HTR5A: variants seen among roughly 807,000 people sequenced by gnomAD.
HTR5A encodes 5-hydroxytryptamine receptor 5A.
Under a neutral mutation model 24.3 loss-of-function variants are expected in HTR5A, and 21 were observed. The observed-to-expected ratio is 0.86, with a 90% CI of 0.61 to 1.24. HTR5A has a LOEUF of 1.24. Among genes scored for constraint, HTR5A ranks in the 50% most tolerant of loss-of-function variants. The pLI is 0.00. For missense variants in HTR5A, 497 were observed against 489.5 expected (o/e 1.02, Z -0.15); for synonymous variants, 260 against 213.7 (o/e 1.22, Z -1.89).
intron 1 of HTR5A, chr7:155,077,096 T>C (rs942750284): frequency 1.3e-5 from 2 of 152,230 alleles, no homozygotes; most frequent in African/African-American, 4.8e-5. Context: ...TCCATAGAGA[T>C]TCTAGAACCA....
intron 1 of HTR5A, among the ~76,000 whole-genome samples, chr7:155,081,464 G>A (rs1366722340): frequency 6.6e-6 from 1 of 152,160 alleles, no homozygotes; most frequent in Non-Finnish European, 1.5e-5. Context: ...GGGGAGATGA[G>A]GCTAAGTGTT....
chr7:155,086,519 G>A lies in HTR5A; in HGVS notation c.*2032G>A, dbSNP rs919327225. 6.6e-6 allele frequency among the ~76,000 whole-genome samples: 1 copy of A among 152,146 alleles called. No individual in the cohort carries two copies. Among genetic ancestry groups the A allele is most frequent in the Non-Finnish European group, 1.5e-5 (1 of 68,018 alleles). On this transcript the variant is annotated 3_prime_UTR_variant, in exon 2 of 2. Transcript: ENST00000287907. ...TAATATTAATTCAATCTCCAGCTGAGGGTTTTATTAATGTTTTCATAAGAT... is the reference window on the plus strand; with the variant it reads ...TAATATTAATTCAATCTCCAGCTGAAGGTTTTATTAATGTTTTCATAAGAT...
chr7:155,071,590 G>A lies in HTR5A; in HGVS notation c.691G>A (p.Val231Met), dbSNP rs114318906. 8.7e-6 allele frequency: 14 copies of A among 1,614,098 alleles called. No homozygotes were observed. Among genetic ancestry groups the A allele is most frequent in the East Asian group, 2.2e-5 (1 of 44,896 alleles). Residue 231 changes from valine to methionine, a missense_variant, in exon 1 of 2, where the codon GTG (valine) becomes ATG (methionine). Coordinates refer to ENST00000287907, the MANE Select transcript of HTR5A (RefSeq NM_024012.4). Reference sequence around the variant, plus strand: ...GATCTACAAGGCTGCCAAGTTCCGCGTGGGCTCCAGGAAGACCAATAGCGT... The same window carrying A: ...GATCTACAAGGCTGCCAAGTTCCGCATGGGCTCCAGGAAGACCAATAGCGT... ...WKIYKAAKFR[V>M]GSRKTNSVSP... is the part of the protein sequence containing the mutation.
chr7:155,081,008 C>T (rs1252219927), intron 1 of HTR5A, among the ~76,000 whole-genome samples: 1 of 152,168 alleles, frequency 6.6e-6, no homozygotes, highest in Non-Finnish European at 1.5e-5. Flanking sequence ...CCTTGATTGA[C>T]TGAAGAGGTT....
At chr7:155,071,779 G>A in intron 1 of HTR5A, 139 bp downstream of exon 1, 1 of 809,448 alleles carries the variant, frequency 1.2e-6, no homozygotes, top group Non-Finnish European at 1.9e-6. Flanking sequence ...CTGGGAGAGT[G>A]GAAGAAAGCA....
Position 155,071,119 on chromosome 7 carries a change from G to C in HTR5A, c.220G>C (p.Val74Leu). 1.9e-6 allele frequency: 3 copies of C among 1,606,072 alleles called. No homozygotes were observed. Among genetic ancestry groups the C allele is most frequent in the Non-Finnish European group, 2.5e-6 (3 of 1,179,968 alleles). Residue 74 changes from valine to leucine, a missense_variant, in exon 1 of 2, where the codon GTG (valine) becomes CTG (leucine). Val to Leu is a conservative substitution (Grantham distance 32). Transcript: ENST00000287907. Reference sequence around the variant, plus strand: ...CCTCCGTGTACGCACCTTCCACCGCGTGCCCCACAACCTGGTGGCATCCAT... The same window carrying C: ...CCTCCGTGTACGCACCTTCCACCGCCTGCCCCACAACCTGGTGGCATCCAT... ...TILRVRTFHR[V>L]PHNLVASMAV... is the part of the protein sequence containing the mutation.
Position 155,084,315 on chromosome 7 carries a change from T to A in HTR5A, c.902T>A (p.Phe301Tyr). The A allele has an allele frequency of 6.2e-7, 1 of 1,614,166 alleles. No individual in the cohort carries two copies. The highest frequency in any genetic ancestry group is 1.1e-5 in the South Asian group (1 of 91,082). Residue 301 changes from phenylalanine to tyrosine, a missense_variant, in exon 2 of 2, where the codon TTC (phenylalanine) becomes TAC (tyrosine). Transcript: ENST00000287907. ...IGVFVLCWIP[F>Y]FLTELISPLC... ...GTGTTCGTGCTCTGCTGGATCCCCT[T>A]CTTTCTCACCGAGCTCATCAGTCCC...
chr7:155,078,814 C>T (rs974518253), intron 1 of HTR5A, among the ~76,000 whole-genome samples: 1 of 144,328 alleles, frequency 6.9e-6, no homozygotes, highest in African/African-American at 2.5e-5. Context: ...AATTAGTACA[C>T]ATCTATAGTT....
intron 1 of HTR5A, among the ~76,000 whole-genome samples, chr7:155,080,638 A>G (rs1026309627): frequency 6.6e-6 from 1 of 152,256 alleles, no homozygotes; most frequent in Non-Finnish European, 1.5e-5. Flanking sequence ...AGAGGAAGCT[A>G]TGCTTGTCAG....
chr7:155,080,517 G>A (rs1044771836), intron 1 of HTR5A, among the ~76,000 whole-genome samples: 3 of 152,228 alleles, frequency 2.0e-5, no homozygotes, highest in African/African-American at 7.2e-5. Flanking sequence ...ATCCCACGGA[G>A]AGTCTTCAAA....
chr7:155,077,812 T>A (rs1282519280), intron 1 of HTR5A, among the ~76,000 whole-genome samples: 1 of 152,186 alleles, frequency 6.6e-6, no homozygotes, highest in East Asian at 1.9e-4. Flanking sequence ...TTTTAAAAAC[T>A]TGCTACAATT....
chr7:155,080,114 A>C (rs1307209937), intron 1 of HTR5A, among the ~76,000 whole-genome samples: 2 of 152,178 alleles, frequency 1.3e-5, no homozygotes, highest in African/African-American at 4.8e-5. Flanking sequence ...CAAAACAAAA[A>C]CCCATGCAAC....
At chr7:155,082,257 G>A (rs1379191523) in intron 1 of HTR5A, among the ~76,000 whole-genome samples, 1 of 152,094 alleles carries the variant, frequency 6.6e-6, no homozygotes, top group Non-Finnish European at 1.5e-5. Flanking sequence ...AATGTGACCA[G>A]CATCCACAGT....
intron 1 of HTR5A, among the ~76,000 whole-genome samples, chr7:155,081,321 A>G (rs1470067191): frequency 6.6e-6 from 1 of 152,190 alleles, no homozygotes; most frequent in Non-Finnish European, 1.5e-5. Context: ...CAGGCAAAGC[A>G]GAGTGGTTGG....
rs1164417754 is a variant in HTR5A, at chr7:155,087,244, A to G, written c.*2757A>G. 1.3e-5 allele frequency among the ~76,000 whole-genome samples: 2 copies of G among 151,764 alleles called. No individual in the cohort carries two copies. The highest frequency in any genetic ancestry group is 2.9e-5 in the Non-Finnish European group (2 of 67,944). On this transcript the variant is annotated 3_prime_UTR_variant, in exon 2 of 2. Coordinates refer to ENST00000287907, the MANE Select transcript of HTR5A (RefSeq NM_024012.4). ...ATTCTTGATAAAAAAAAAGCTTGTTATTTCTCTCTTCTTTTCATGAGGAGC... is the reference window on the plus strand; with the variant it reads ...ATTCTTGATAAAAAAAAAGCTTGTTGTTTCTCTCTTCTTTTCATGAGGAGC...
chr7:155,079,622 A>G (rs1277132764), intron 1 of HTR5A, among the ~76,000 whole-genome samples: 1 of 152,238 alleles, frequency 6.6e-6, no homozygotes, highest in Non-Finnish European at 1.5e-5. Flanking sequence ...ATTAAGTAAA[A>G]AAAGTTTGGC....
intron 1 of HTR5A, among the ~76,000 whole-genome samples, chr7:155,082,103 A>G (rs1210181875): frequency 1.3e-5 from 2 of 152,304 alleles, no homozygotes; most frequent in Non-Finnish European, 2.9e-5. Context: ...TGGTGTCTCC[A>G]GTGGGACCAG....
chr7:155,071,824 C>T (rs1260870057), intron 1 of HTR5A, among the ~76,000 whole-genome samples, 184 bp downstream of exon 1: 8 of 152,162 alleles, frequency 5.3e-5, no homozygotes, highest in Non-Finnish European at 1.0e-4. Context: ...TGTTCCCTCT[C>T]ACAGGGCTAA....
chr7:155,075,256 A>G (rs968987246), intron 1 of HTR5A, among the ~76,000 whole-genome samples: 2 of 120,378 alleles, frequency 1.7e-5, no homozygotes, highest in African/African-American at 2.7e-5. Flanking sequence ...GTGATTATCC[A>G]GATTGTCACC....
Sources: allele counts gnomAD v4.1 joint callset (sites outside exome capture counted in the v4.1 genomes callset), GRCh38; gene constraint gnomAD v4.1.1; transcripts MANE v1.5; gene names NCBI Gene and HGNC (gene_info 2026-07-23, HGNC 2026-07-21).